MEI4: variants seen among roughly 807,000 people sequenced by gnomAD.
MEI4 encodes meiosis-specific protein MEI4.
MEI4 carries 27 observed loss-of-function variants against 31.4 expected under a neutral mutation model. The observed-to-expected ratio is 0.86, with a 90% CI of 0.63 to 1.19. The LOEUF is 1.19. Among genes scored for constraint, MEI4 ranks in the 50% most tolerant of loss-of-function variants. The probability of loss-of-function intolerance (pLI) is 0.00; values close to 1 mark genes in which losing one functional copy is unlikely to be tolerated. For missense variants in MEI4, 329 were observed against 398.9 expected, an observed-to-expected ratio of 0.82 and a Z score of 1.49; for synonymous variants, 122 against 145.4, an observed-to-expected ratio of 0.84 and a Z score of 1.16.
chr6:77,779,775 A>G (rs562710546), intron 3 of MEI4, among the ~76,000 whole-genome samples: 1 of 152,292 alleles, frequency 6.6e-6, no homozygotes, highest in Non-Finnish European at 1.5e-5. Context: ...TTAGAAACAG[A>G]CAGCAGAGGA....
chr6:77,692,710 C>G (rs1410210130), intron 2 of MEI4, among the ~76,000 whole-genome samples: 1 of 151,956 alleles, frequency 6.6e-6, no homozygotes, highest in East Asian at 1.9e-4. Context: ...GGTTTCCCTC[C>G]TAGCCTACTG....
At chr6:77,917,735 G>T (rs1474681327) in intron 4 of MEI4, among the ~76,000 whole-genome samples, 2 of 149,332 alleles carry the variant, frequency 1.3e-5, no homozygotes, top group East Asian at 2.0e-4. Context: ...CACTCTGATG[G>T]TAGTTTCTTT....
At chr6:77,907,526 C>T (rs1044303691) in intron 4 of MEI4, among the ~76,000 whole-genome samples, 7 of 152,142 alleles carry the variant, frequency 4.6e-5, no homozygotes, top group Non-Finnish European at 1.0e-4. Context: ...TTTTCTTAAT[C>T]CAGTCTATCA....
chr6:77,753,456 T>C (rs995105656), intron 2 of MEI4, among the ~76,000 whole-genome samples: 1 of 152,096 alleles, frequency 6.6e-6, no homozygotes, highest in African/African-American at 2.4e-5. Flanking sequence ...CAACAGACAC[T>C]TCTCAAAAGA....
At chr6:77,702,877 T>C (rs1294097159) in intron 2 of MEI4, among the ~76,000 whole-genome samples, 1 of 152,238 alleles carries the variant, frequency 6.6e-6, no homozygotes, top group Non-Finnish European at 1.5e-5. Context: ...CTGTAGGGTA[T>C]GTTCTCCCCC....
At chr6:77,703,493 A>AT (rs902365069) in intron 2 of MEI4, among the ~76,000 whole-genome samples, 371 of 151,592 alleles carry the variant, frequency 2.4e-3, no homozygotes, top group African/African-American at 7.7e-3. Context: ...GCTTAGTGTG[A>AT]TTTTTTTTTG....
chr6:77,681,848 C>T (rs1213037388), intron 1 of MEI4, among the ~76,000 whole-genome samples: 1 of 152,212 alleles, frequency 6.6e-6, no homozygotes, highest in East Asian at 1.9e-4. Flanking sequence ...CTGTCACGCA[C>T]AGACTCTCTG....
At chr6:77,742,177 A>T (rs1386965421) in intron 2 of MEI4, among the ~76,000 whole-genome samples, 14 of 151,908 alleles carry the variant, frequency 9.2e-5, no homozygotes, top group African/African-American at 1.5e-4. Flanking sequence ...CTAGTTCTAG[A>T]TCCCTGAGGA....
intron 4 of MEI4, among the ~76,000 whole-genome samples, chr6:77,864,950 T>C (rs1770978125): frequency 6.6e-6 from 1 of 152,072 alleles, no homozygotes; most frequent in African/African-American, 2.4e-5. Flanking sequence ...CTCAACTACA[T>C]GGAAACTGAA....
intron 3 of MEI4, among the ~76,000 whole-genome samples, chr6:77,774,920 G>A (rs189304328): frequency 6.6e-6 from 1 of 152,142 alleles, no homozygotes; most frequent in Non-Finnish European, 1.5e-5. Context: ...TTAAATAACA[G>A]TGTATACAGG....
At chr6:77,913,724 T>TG (rs1184306596) in intron 4 of MEI4, among the ~76,000 whole-genome samples, 1 of 148,524 alleles carries the variant, frequency 6.7e-6, no homozygotes, top group East Asian at 2.0e-4. Flanking sequence ...TTTGTTTAGT[T>TG]TTTTTTTTTT....
At chr6:77,737,645 T>G (rs1767287509) in intron 2 of MEI4, among the ~76,000 whole-genome samples, 1 of 151,980 alleles carries the variant, frequency 6.6e-6, no homozygotes, top group African/African-American at 2.4e-5. Context: ...TAACATGGAA[T>G]AAATAAGCCT....
chr6:77,852,946 C>T (rs57619723), intron 4 of MEI4, among the ~76,000 whole-genome samples: 214 of 152,230 alleles, frequency 1.4e-3, no homozygotes, highest in African/African-American at 5.0e-3. Flanking sequence ...CCTGTGTAAT[C>T]CCAGCACTTT....
intron 1 of MEI4, among the ~76,000 whole-genome samples, chr6:77,683,111 G>A (rs1319923744): frequency 6.6e-6 from 1 of 152,108 alleles, no homozygotes; most frequent in Non-Finnish European, 1.5e-5. Context: ...TACAGTTGAA[G>A]ATGTCTCAGA....
chr6:77,724,933 C>T (rs4125587), intron 2 of MEI4, among the ~76,000 whole-genome samples: 14,976 of 139,510 alleles, frequency 0.11, 2,345 homozygotes, highest in East Asian at 0.29. Context: ...TCTATTATAC[C>T]GCTTCCAGGG....
intron 4 of MEI4, among the ~76,000 whole-genome samples, chr6:77,901,375 T>A (rs2127735212): frequency 6.6e-6 from 1 of 152,092 alleles, no homozygotes; most frequent in South Asian, 2.1e-4. Context: ...TCACCAACAG[T>A]TATCTCTAAT....
intron 4 of MEI4, among the ~76,000 whole-genome samples, chr6:77,851,113 T>C (rs1382402628): frequency 1.3e-5 from 2 of 152,034 alleles, no homozygotes; most frequent in Non-Finnish European, 2.9e-5. Flanking sequence ...GTTAGAATGG[T>C]GATCATTAAA....
At chr6:77,863,965 A>G (rs954178896) in intron 4 of MEI4, among the ~76,000 whole-genome samples, 51 of 152,210 alleles carry the variant, frequency 3.4e-4, no homozygotes, top group Non-Finnish European at 5.9e-4. Context: ...CCAGAATTTC[A>G]TATCCAGCCA....
At chr6:77,740,880 G>C (rs879463448) in intron 2 of MEI4, among the ~76,000 whole-genome samples, 1 of 151,976 alleles carries the variant, frequency 6.6e-6, no homozygotes. Context: ...TCAAACAACA[G>C]AAATACCCAC....
Sources: gnomAD v4.1 joint callset for allele counts (sites outside exome capture counted in the v4.1 genomes callset) on GRCh38, gnomAD v4.1.1 for gene constraint, MANE v1.5 for transcripts, NCBI Gene and HGNC (gene_info 2026-07-23, HGNC 2026-07-21) for gene names.